The following FOXP1 variants were observed in gnomAD, a reference collection of about 807,000 sequenced individuals.
FOXP1 encodes forkhead box P1, also known as forkhead box protein P1.
Under a neutral mutation model 98.2 loss-of-function variants are expected in FOXP1, and 15 were observed. The observed-to-expected ratio is 0.15, with a 90% CI of 0.10 to 0.24. The LOEUF is 0.24. Ranked by LOEUF, FOXP1 falls within the 10% of genes least tolerant of loss-of-function variation. FOXP1 has a pLI of 1.00. For missense variants in FOXP1, 633 were observed against 848.5 expected (o/e 0.75, Z 3.15); for synonymous variants, 371 against 314.5 (o/e 1.18, Z -1.90).
intron 3 of FOXP1, among the ~76,000 whole-genome samples, chr3:71,442,575 G>A (rs548276059): frequency 3.3e-5 from 5 of 152,288 alleles, no homozygotes; most frequent in East Asian, 3.9e-4. Context: ...CCTCTCTGTC[G>A]TCAGTATCAT....
intron 11 of FOXP1, among the ~76,000 whole-genome samples, chr3:71,030,301 A>ATGCC (rs1380782610): frequency 6.6e-6 from 1 of 152,210 alleles, no homozygotes; most frequent in African/African-American, 2.4e-5. Context: ...AATATCTTCT[A>ATGCC]TGCCTGCCTC....
At chr3:71,046,048 C>T (rs931493063) in intron 10 of FOXP1, among the ~76,000 whole-genome samples, 1 of 152,118 alleles carries the variant, frequency 6.6e-6, no homozygotes, top group African/African-American at 2.4e-5. Context: ...AGGCATGGCA[C>T]TTTCTACTTT....
chr3:71,255,541 G>C (rs2107115822), intron 5 of FOXP1, among the ~76,000 whole-genome samples: 1 of 152,114 alleles, frequency 6.6e-6, no homozygotes, highest in Middle Eastern at 3.4e-3. Context: ...TGATGCCTAG[G>C]TCATTTACTG....
chr3:71,222,678 C>A (rs1307364441), intron 5 of FOXP1, among the ~76,000 whole-genome samples: 1 of 152,194 alleles, frequency 6.6e-6, no homozygotes, highest in African/African-American at 2.4e-5. Context: ...CTTGGCCTCC[C>A]AAAGCCTTGG....
At chr3:71,165,418 G>A (rs951736022) in intron 6 of FOXP1, among the ~76,000 whole-genome samples, 1 of 151,946 alleles carries the variant, frequency 6.6e-6, no homozygotes, top group Non-Finnish European at 1.5e-5. Flanking sequence ...TAATCATTTC[G>A]AATAAAAAAC....
Position 71,389,253 on chromosome 3 carries a change from CCGGGGGG to C in FOXP1, c.-167-30016_-167-30010del, listed in dbSNP as rs1560413252. Among the ~76,000 whole-genome samples the C allele has an allele frequency of 2.6e-3, 11 of 4,304 alleles. 1 individual carries two copies. The highest frequency in any genetic ancestry group is 8.0e-3 in the African/African-American group (11 of 1,378). The allele number at this position is 4,304 out of a possible 152,430, so 2.8% of individuals were successfully genotyped here. ...CTGTAAGCGGCGGGGGGGGGGGGGG[CCGGGGGG>C]GGCGGGTTATAAATTTCACCTAAAG... On this transcript the variant is annotated intron_variant, in intron 3 of 20. Transcript: ENST00000649528.
rs144952613 is a variant in FOXP1, at chr3:71,159,251, A to T, written c.180+38951T>A. ...TAGAAAACTGTAAAAGATTGGAGAG[A>T]ATCCAGAGAAGGGCAAGTAAAATGA... is the stretch of plus-strand genomic sequence containing the variant. On this transcript the variant is annotated intron_variant, in intron 6 of 20. Coordinates refer to ENST00000649528, the MANE Select transcript of FOXP1 (RefSeq NM_001349338.3). Among the ~76,000 whole-genome samples, 301 of 152,284 alleles carry T rather than the reference A, an allele frequency of 2.0e-3. 3 individuals are homozygous for T. The highest frequency in any genetic ancestry group is 6.9e-3 in the African/African-American group (285 of 41,550).
intron 1 of FOXP1, chr3:71,582,223 G>T: frequency 1.0e-6 from 1 of 985,232 alleles, no homozygotes; most frequent in South Asian, 4.7e-5. Context: ...GTGGGGAGGG[G>T]GGCTCGTCGA....
intron 3 of FOXP1, among the ~76,000 whole-genome samples, chr3:71,381,555 T>C (rs1288292886): frequency 1.4e-5 from 2 of 146,104 alleles, no homozygotes; most frequent in Non-Finnish European, 3.0e-5. Context: ...GTGAGCCGCC[T>C]ACCTCAGCCT....
intron 6 of FOXP1, among the ~76,000 whole-genome samples, chr3:71,117,720 C>T (rs2058473717): frequency 6.6e-6 from 1 of 152,128 alleles, no homozygotes; most frequent in African/African-American, 2.4e-5. Context: ...GGTCCAATCC[C>T]ATCTCTGGAG....
chr3:70,959,208 T>C lies in FOXP1; in HGVS notation c.*39A>G, dbSNP rs376179029. 164 of 1,610,218 alleles carry C rather than the reference T, an allele frequency of 1.0e-4. No homozygotes were observed. In the African/African-American group the frequency reaches 1.9e-3, roughly 18 times the overall value. Reference sequence around the variant, plus strand: ...TTGACGTGTTTTTTTTTTTTTCCTTTTTCCAATCTTCATTCTCGGGGTTGG... The same window carrying C: ...TTGACGTGTTTTTTTTTTTTTCCTTCTTCCAATCTTCATTCTCGGGGTTGG... On this transcript the variant is annotated 3_prime_UTR_variant, in exon 21 of 21. Transcript: ENST00000649528.
chr3:71,358,052 C>T (rs2078286667), intron 4 of FOXP1, among the ~76,000 whole-genome samples: 1 of 152,072 alleles, frequency 6.6e-6, no homozygotes, highest in African/African-American at 2.4e-5. Context: ...ATTAGTATTG[C>T]TAGCCCAGGG....
intron 5 of FOXP1, among the ~76,000 whole-genome samples, chr3:71,274,337 T>C (rs1014180219): frequency 6.6e-6 from 1 of 152,146 alleles, no homozygotes; most frequent in African/African-American, 2.4e-5. Context: ...ATATGGTCCT[T>C]AGAAGCACAT....
intron 3 of FOXP1, among the ~76,000 whole-genome samples, chr3:71,451,550 C>T (rs1236156373): frequency 6.6e-6 from 1 of 151,700 alleles, no homozygotes; most frequent in African/African-American, 2.4e-5. Context: ...TTTTTTAACA[C>T]CCCCAGTAAT....
intron 3 of FOXP1, among the ~76,000 whole-genome samples, chr3:71,454,167 A>G (rs1376806273): frequency 6.6e-6 from 1 of 152,188 alleles, no homozygotes; most frequent in Non-Finnish European, 1.5e-5. Flanking sequence ...ATTTTGTTGC[A>G]TAACAGCAGC....
chr3:71,142,584 G>A (rs1363398586), intron 6 of FOXP1, among the ~76,000 whole-genome samples: 2 of 152,230 alleles, frequency 1.3e-5, no homozygotes, highest in East Asian at 3.8e-4. Context: ...TAGATGCTGA[G>A]AGCAGCTGCA....
At position 71,307,396 on chromosome 3, in the gene FOXP1, C is replaced by G. The variant is rs559965664; in HGVS notation, c.-72-7516G>C. Among the ~76,000 whole-genome samples, 4 of 152,284 alleles carry G rather than the reference C, an allele frequency of 2.6e-5. No homozygotes were observed. The South Asian group carries it at 8.3e-4, about 32-fold the overall frequency. On this transcript the variant is annotated intron_variant, in intron 4 of 20. Coordinates refer to ENST00000649528, the MANE Select transcript of FOXP1 (RefSeq NM_001349338.3). ...AAAAGTTTTAAAATATTTTCACAAA[C>G]AAACCAACAAACCCAAAACTCATTT...
rs35322006 is a variant in FOXP1 at position 71,515,433 on chromosome 3, CAAAAAAAAAA to C, written c.-297-21888_-297-21879del. ...TTCCCTTTGATCAAAATTTACACAGCAAAAAAAAAAAAAAAAAAAACTGCACATTTATACA... is the reference window on the plus strand; with the variant it reads ...TTCCCTTTGATCAAAATTTACACAGCAAAAAAAAAACTGCACATTTATACA... On this transcript the variant is annotated intron_variant, in intron 2 of 20. Transcript: ENST00000649528. 1.1e-4 allele frequency among the ~76,000 whole-genome samples: 11 copies of C among 96,948 alleles called. No individual in the cohort carries two copies. The South Asian group carries it at 3.1e-3, about 27-fold the overall frequency. The allele number at this position is 96,948 out of a possible 152,430, so 63.6% of individuals were successfully genotyped here.
intron 3 of FOXP1, among the ~76,000 whole-genome samples, chr3:71,492,433 A>G (rs1242443640): frequency 6.6e-6 from 1 of 150,938 alleles, no homozygotes; most frequent in African/African-American, 2.4e-5. Flanking sequence ...GCCTGGAACA[A>G]TTGGGAAACT....
Sources: allele counts gnomAD v4.1 joint callset (sites outside exome capture counted in the v4.1 genomes callset), GRCh38; gene constraint gnomAD v4.1.1; transcripts MANE v1.5; gene names NCBI Gene and HGNC (gene_info 2026-07-23, HGNC 2026-07-21).